The following PCDHA3 variants were observed in gnomAD, a reference collection of about 807,000 sequenced individuals.
PCDHA3 encodes the protein protocadherin alpha 3, also known as protocadherin alpha-3.
PCDHA3 carries 41 observed loss-of-function variants against 62.2 expected under a neutral mutation model. The observed-to-expected ratio is 0.66, with a 90% confidence interval of 0.51 to 0.86. PCDHA3 has a LOEUF of 0.86. PCDHA3 is among the 40% of genes least tolerant of loss of function. The probability of loss-of-function intolerance (pLI) is 0.00; values close to 1 mark genes in which losing one functional copy is unlikely to be tolerated. For synonymous variants in PCDHA3, 640 were observed against 555.4 expected, an observed-to-expected ratio of 1.15 and a Z score of -2.14; for missense variants, 1,304 against 1,241.2, an observed-to-expected ratio of 1.05 and a Z score of -0.76.
At chr5:140,920,910 A>C (rs2153559145) in intron 1 of PCDHA3, among the ~76,000 whole-genome samples, 1 of 151,920 alleles carries the variant, frequency 6.6e-6, no homozygotes, top group East Asian at 1.9e-4. Context: ...TTCTCAAATC[A>C]GTTCCAAGAG....
intron 3 of PCDHA3, among the ~76,000 whole-genome samples, chr5:141,003,132 C>G (rs1391034413): frequency 6.6e-6 from 1 of 152,208 alleles, no homozygotes; most frequent in African/African-American, 2.4e-5. Flanking sequence ...CTGGCATTTG[C>G]CTTGGCAAAG....
At chr5:140,926,471 T>G in intron 1 of PCDHA3, 1 of 162,332 alleles carries the variant, frequency 6.2e-6, no homozygotes, top group Non-Finnish European at 1.3e-5. Context: ...GAAAACACCG[T>G]TTAAGGAGAG....
At chr5:140,855,863 C>A in intron 1 of PCDHA3, 2 of 763,578 alleles carry the variant, frequency 2.6e-6, no homozygotes, top group Non-Finnish European at 4.1e-6. Flanking sequence ...ATGTCGCTGT[C>A]GTCCACAAAA....
chr5:140,983,059 C>A (rs1325414567), intron 3 of PCDHA3, among the ~76,000 whole-genome samples: 3 of 151,980 alleles, frequency 2.0e-5, no homozygotes, highest in Non-Finnish European at 4.4e-5. Flanking sequence ...TTATCGGAAC[C>A]AAGGCATTGT....
intron 1 of PCDHA3, chr5:140,835,466 G>C: frequency 6.2e-7 from 1 of 1,613,902 alleles, no homozygotes. Flanking sequence ...CTATTCCAGA[G>C]GACGCCCAAC....
At chr5:140,911,057 TG>T (rs1554194586) in intron 1 of PCDHA3, among the ~76,000 whole-genome samples, 1 of 151,474 alleles carries the variant, frequency 6.6e-6, no homozygotes, top group Non-Finnish European at 1.5e-5. Context: ...TGGTGGGGGG[TG>T]GGTCCTGAGG....
chr5:141,008,430 GC>G (rs1252417058), intron 3 of PCDHA3, among the ~76,000 whole-genome samples: 2 of 152,260 alleles, frequency 1.3e-5, no homozygotes, highest in African/African-American at 4.8e-5. Context: ...GGATCACTTT[GC>G]CCAGACAGAC....
intron 1 of PCDHA3, among the ~76,000 whole-genome samples, chr5:140,843,972 G>T (rs1779162813): frequency 6.7e-6 from 1 of 149,122 alleles, no homozygotes; most frequent in Non-Finnish European, 1.5e-5. Flanking sequence ...ATTTATTTTG[G>T]CCTGCCTTAC....
At chr5:140,860,741 A>ATT (rs1466220052) in intron 1 of PCDHA3, 6 of 152,018 alleles carry the variant, frequency 3.9e-5, no homozygotes, top group African/African-American at 1.4e-4. Context: ...TTTGTTTTTT[A>ATT]TTTTTTATTT....
chr5:141,002,157 GGGC>G (rs797024683), intron 3 of PCDHA3, among the ~76,000 whole-genome samples: 4 of 152,372 alleles, frequency 2.6e-5, no homozygotes, highest in African/African-American at 9.6e-5. Flanking sequence ...TTAGCAGAGT[GGGC>G]GGTAGGCAGG....
intron 1 of PCDHA3, among the ~76,000 whole-genome samples, chr5:140,936,458 G>A (rs963270336): frequency 2.6e-5 from 4 of 152,046 alleles, no homozygotes; most frequent in Non-Finnish European, 4.4e-5. Flanking sequence ...TCTGTTTAGT[G>A]GTTGCTGTAG....
At chr5:140,968,715 A>T (rs2096265469) in intron 1 of PCDHA3, 1 of 1,614,014 alleles carries the variant, frequency 6.2e-7, no homozygotes, top group South Asian at 1.1e-5. Flanking sequence ...AAGATGGGAG[A>T]TGAGAGTGGT....
chr5:140,894,572 T>C (rs2064553478), intron 1 of PCDHA3, among the ~76,000 whole-genome samples: 2 of 152,010 alleles, frequency 1.3e-5, no homozygotes, highest in Admixed American at 6.5e-5. Flanking sequence ...TATTTTCCTT[T>C]TTTTTAATAT....
intron 1 of PCDHA3, chr5:140,966,173 A>C (rs2095976741): frequency 5.4e-6 from 1 of 184,728 alleles, no homozygotes; most frequent in Admixed American, 6.2e-5. Context: ...TTTCCTGGGG[A>C]GCTGATAGCC....
intron 1 of PCDHA3, chr5:140,967,457 G>A: frequency 6.2e-7 from 1 of 1,613,614 alleles, no homozygotes; most frequent in Non-Finnish European, 8.5e-7. Context: ...CACAGCCGTG[G>A]ATGGGGGCAT....
In PCDHA3 at chr5:140,966,446, C is replaced by T. The variant is rs2096003680; in HGVS notation, c.2395-12503C>T. Reference sequence around the variant, plus strand: ...CTGAGCCCTCCTACCGCTCCCTTTCCCCCTCCCCCTCTGTCTTCCCTTCTG... The same window carrying T: ...CTGAGCCCTCCTACCGCTCCCTTTCTCCCTCCCCCTCTGTCTTCCCTTCTG... On this transcript the variant is annotated intron_variant, in intron 1 of 3. Transcript: ENST00000522353. 7 of 424,490 alleles carry T rather than the reference C, an allele frequency of 1.6e-5. No homozygotes were observed. The East Asian group carries it at 2.5e-4, about 15-fold the overall frequency. 26.3% of individuals were successfully genotyped at this position (424,490 alleles called of 1,614,324 possible).
intron 1 of PCDHA3, among the ~76,000 whole-genome samples, chr5:140,907,882 G>T (rs895415928): frequency 6.6e-6 from 1 of 152,168 alleles, no homozygotes; most frequent in Non-Finnish European, 1.5e-5. Context: ...GCACTCACAT[G>T]GGATACAAAT....
At chr5:140,828,479 C>T in intron 1 of PCDHA3, 1 of 1,614,204 alleles carries the variant, frequency 6.2e-7, no homozygotes, top group Non-Finnish European at 8.5e-7. Context: ...TAACGACAAC[C>T]CGCCCTTGTT....
intron 1 of PCDHA3, chr5:140,867,901 G>A (rs1554161610): frequency 1.3e-5 from 2 of 152,058 alleles, no homozygotes; most frequent in African/African-American, 4.8e-5. Flanking sequence ...GGTACTTACA[G>A]AAGGTATAAT....
Sources: gnomAD v4.1 joint callset for allele counts (sites outside exome capture counted in the v4.1 genomes callset) on GRCh38, gnomAD v4.1.1 for gene constraint, MANE v1.5 for transcripts, NCBI Gene and HGNC (gene_info 2026-07-23, HGNC 2026-07-21) for gene names.